AKAP9: variants seen among roughly 807,000 people sequenced by gnomAD.
AKAP9 encodes A-kinase anchoring protein 9.
In AKAP9, 311 loss-of-function variants were observed where a neutral mutation model predicts 488.5. That is an observed-to-expected ratio of 0.64 (90% CI 0.58 to 0.70). AKAP9 has a LOEUF of 0.70. AKAP9 is among the 30% of genes least tolerant of loss of function. AKAP9 has a pLI of 0.00. For missense variants in AKAP9, 4,215 were observed against 4,374.5 expected (o/e 0.96, Z 1.03); for synonymous variants, 1,462 against 1,483.5 (o/e 0.99, Z 0.33).
At chr7:91,945,195 T>C (rs1791313114) in intron 1 of AKAP9, among the ~76,000 whole-genome samples, 3 of 152,046 alleles carry the variant, frequency 2.0e-5, no homozygotes, top group Non-Finnish European at 2.9e-5. Flanking sequence ...ACCCCATCTC[T>C]AAAAAGAAAA....
intron 45 of AKAP9, among the ~76,000 whole-genome samples, chr7:92,101,432 G>A (rs920428365): frequency 2.5e-5 from 3 of 120,996 alleles, no homozygotes; most frequent in African/African-American, 3.6e-5. Context: ...GTGAGACTCC[G>A]TCTCAAAAAA....
chr7:92,077,585 G>A (rs1260747846), intron 29 of AKAP9, 111 bp from the exon 30 acceptor site: 4 of 927,168 alleles, frequency 4.3e-6, no homozygotes, highest in South Asian at 1.4e-5. Flanking sequence ...ACCATATGGT[G>A]TCTCTGATTT....
intron 3 of AKAP9, 107 bp downstream of exon 3, chr7:91,980,440 TA>T (rs1796246181): frequency 3.8e-6 from 2 of 521,670 alleles, no homozygotes; most frequent in African/African-American, 2.0e-5. Flanking sequence ...GCTTCTATTT[TA>T]TTTTTATAAA....
At chr7:92,080,408 C>T (rs1379801630) in intron 31 of AKAP9, among the ~76,000 whole-genome samples, 1 of 152,094 alleles carries the variant, frequency 6.6e-6, no homozygotes, top group East Asian at 1.9e-4. Flanking sequence ...ACCATCCTGT[C>T]TAACACGGTG....
rs142092767 is a variant in AKAP9 at position 92,105,711 on chromosome 7, C to T, written c.11364C>T (p.Val3788=). The T allele has an allele frequency of 1.1e-5, 18 of 1,614,056 alleles. No homozygotes were observed. In the African/African-American group the frequency reaches 2.4e-4, roughly 22 times the overall value. Residue 3788 remains valine (V), a synonymous_variant, in exon 47 of 50, where the codon GTC becomes GTT. Transcript: ENST00000356239. ...MKFLVRRWHR[V]TGSVSININR... ...TTTTGGTTCGACGGTGGCATCGAGT[C>T]ACAGGTTCTGTTTCCATCAATATTA...
Position 92,108,597 on chromosome 7 carries a change from G to A in AKAP9, c.11650G>A (p.Glu3884Lys). 6.2e-7 allele frequency: 1 copy of A among 1,614,168 alleles called. No individual in the cohort carries two copies. The highest frequency in any genetic ancestry group is 8.5e-7 in the Non-Finnish European group (1 of 1,180,034). ...CCTAACAGATTATATCACTCGGCTA[G>A]AGGCACTGCAAAGACGACTTGGAAC... ...RALTDYITRL[E>K]ALQRRLGTIQ... Residue 3884 changes from glutamate to lysine, a missense_variant, in exon 49 of 50, where the codon GAG becomes AAG. This residue lies in a region of AKAP9 where 253 missense variants were observed against 266.8 expected (regional missense o/e 0.95). Coordinates refer to ENST00000356239, the MANE Select transcript of AKAP9 (RefSeq NM_005751.5).
chr7:92,073,971 A>C (rs1282684921), intron 28 of AKAP9, among the ~76,000 whole-genome samples: 1 of 152,240 alleles, frequency 6.6e-6, no homozygotes, highest in African/African-American at 2.4e-5. Context: ...CAAGGACTTC[A>C]TGTCTAAAAC....
In AKAP9 at chr7:92,077,809, A is replaced by C; in HGVS notation, c.6879A>C (p.Glu2293Asp). The stretch of plus-strand genomic sequence containing the variant: ...AAATAATACAGGAAAAAGAGGTAGA[A>C]ATTGACCAATTAAATGAACAAGTTA... ...FAQIIQEKEVEIDQLNEQVTK... is the reference protein window; with the variant it reads ...FAQIIQEKEVDIDQLNEQVTK... The change falls in exon 30 of 50, where the codon GAA becomes GAC. Residue 2293 changes from glutamate to aspartate, a missense_variant. Physicochemically the swap from Glu to Asp is conservative, Grantham distance 45. Transcript: ENST00000356239. The C allele has an allele frequency of 6.2e-7, 1 of 1,613,838 alleles. No individual in the cohort carries two copies. The highest frequency in any genetic ancestry group is 1.1e-5 in the South Asian group (1 of 91,080).
At chr7:92,107,894 C>G (rs1346453134) in intron 48 of AKAP9, 1 of 173,586 alleles carries the variant, frequency 5.8e-6, no homozygotes. Flanking sequence ...TGGTGGGTGC[C>G]TGTAATCCCA....
intron 45 of AKAP9, 84 bp from the exon 46 acceptor site, chr7:92,102,510 T>TGTTAAAATCTAG: frequency 9.3e-7 from 1 of 1,073,314 alleles, no homozygotes; most frequent in Non-Finnish European, 1.4e-6. Context: ...CACCACTACT[T>TGTTAAAATCTAG]GTTAAAATCT....
intron 16 of AKAP9, 48 bp from the exon 17 acceptor site, chr7:92,038,371 C>A: frequency 6.9e-7 from 1 of 1,454,162 alleles, no homozygotes; most frequent in Non-Finnish European, 9.6e-7. Flanking sequence ...TAAATTCCTG[C>A]TGATATTTCT....
intron 1 of AKAP9, among the ~76,000 whole-genome samples, chr7:91,961,669 C>T (rs1001588880): frequency 6.6e-6 from 1 of 151,502 alleles, no homozygotes; most frequent in Non-Finnish European, 1.5e-5. Flanking sequence ...ATGGTGAAAC[C>T]CCATCTCCAC....
At position 92,061,176 on chromosome 7, in the gene AKAP9, TC is replaced by T. The variant is rs1179037382; in HGVS notation, c.5602-82del. On this transcript the variant is annotated intron_variant, in intron 22 of 49. Coordinates refer to ENST00000356239, the MANE Select transcript of AKAP9 (RefSeq NM_005751.5). ...GTAGTATATCTTTATTTTAAAATCC[TC>T]CTTTTTTCCAGCTTTAATAGGGAAT... The T allele has an allele frequency of 7.4e-6, 11 of 1,489,972 alleles. No homozygotes were observed. In the Admixed American group the frequency reaches 1.8e-4, roughly 24 times the overall value. The allele number at this position is 1,489,972 out of a possible 1,614,324, so 92.3% of individuals were successfully genotyped here. A position where few individuals can be genotyped will look rare whatever the true frequency, so the allele number is the denominator to read the frequency against.
chr7:91,941,175 G>C, intron 1 of AKAP9, 28 bp downstream of exon 1: 1 of 1,605,328 alleles, frequency 6.2e-7, no homozygotes, highest in East Asian at 2.2e-5. Flanking sequence ...AACCGGGCCT[G>C]CGGTGGGAGG....
At chr7:91,977,925 A>G (rs1289623582) in intron 2 of AKAP9, among the ~76,000 whole-genome samples, 1 of 152,158 alleles carries the variant, frequency 6.6e-6, no homozygotes, top group Non-Finnish European at 1.5e-5. Context: ...GAGGGATTGT[A>G]TCATGAAAGT....
chr7:92,067,078 T>C (rs1024096068), intron 26 of AKAP9, among the ~76,000 whole-genome samples: 1 of 152,238 alleles, frequency 6.6e-6, no homozygotes, highest in African/African-American at 2.4e-5. Flanking sequence ...GTGACACAGC[T>C]ACTCCACTGG....
intron 31 of AKAP9, 91 bp downstream of exon 31, chr7:92,080,243 A>C: frequency 1.0e-6 from 1 of 989,326 alleles, no homozygotes; most frequent in South Asian, 1.7e-5. Context: ...GTTTACATCT[A>C]ACAATTTATA....
chr7:91,947,368 A>T (rs1275859075), intron 1 of AKAP9, among the ~76,000 whole-genome samples: 1 of 150,300 alleles, frequency 6.7e-6, no homozygotes, highest in Non-Finnish European at 1.5e-5. Context: ...CCCGAGATGG[A>T]GTCTCACTCT....
At chr7:91,953,602 A>C (rs1309058873) in intron 1 of AKAP9, among the ~76,000 whole-genome samples, 4 of 152,228 alleles carry the variant, frequency 2.6e-5, no homozygotes, top group Non-Finnish European at 4.4e-5. Flanking sequence ...AGAAGTGTTC[A>C]AGAAGTGTCA....
Sources: allele counts gnomAD v4.1 joint callset (sites outside exome capture counted in the v4.1 genomes callset), GRCh38; gene constraint gnomAD v4.1.1; regional missense constraint gnomAD v4.1.1; transcripts MANE v1.5; gene names NCBI Gene and HGNC (gene_info 2026-07-23, HGNC 2026-07-21).